Variants in CLEC2L observed in about 807,000 individuals in gnomAD.
The protein encoded by CLEC2L is C-type lectin domain family 2 member L, also known as C-type lectin domain family 2, member L.
In CLEC2L, 14 loss-of-function variants were observed where a neutral mutation model predicts 23.6. The observed-to-expected ratio is 0.59, with a 90% CI of 0.39 to 0.93. The LOEUF is 0.93. Among genes scored for constraint, CLEC2L ranks in the 40% least tolerant of loss-of-function variants. CLEC2L has a pLI of 0.00. For synonymous variants in CLEC2L, 114 were observed against 121.3 expected, an observed-to-expected ratio of 0.94 and a Z score of 0.40; for missense variants, 264 against 282.4, an observed-to-expected ratio of 0.93 and a Z score of 0.47.
intron 1 of CLEC2L, among the ~76,000 whole-genome samples, chr7:139,530,015 C>CAAAA (rs59845086): frequency 1.2e-4 from 12 of 103,572 alleles, no homozygotes; most frequent in African/African-American, 3.8e-4. Context: ...TTGCAGTGAG[C>CAAAA]AAAAAAAAAA....
rs971147103 is a variant in CLEC2L, at chr7:139,544,291, G to A, written c.594G>A (p.Thr198=). 1.9e-6 allele frequency: 3 copies of A among 1,613,520 alleles called. No homozygotes were observed. Among genetic ancestry groups the A allele is most frequent in the Non-Finnish European group, 2.5e-6 (3 of 1,179,702 alleles). ...TGGAGCCCACCAGGCTGGTGTCGAC[G>A]GAGTGTCTGATGACCCGGCCCTGGG... ...VFVEPTRLVS[T]ECLMTRPWVC... Residue 198 remains threonine, a synonymous_variant, in exon 5 of 5, where the codon ACG becomes ACA. Transcript: ENST00000422142.
Position 139,542,138 on chromosome 7 carries a change from T to C in CLEC2L, c.533+17T>C, listed in dbSNP as rs761358223. ...TCCGGACACGTGAGCTGAGGCTTCA[T>C]CTTCTGGCTACCGAGCTTAGACTGA... On this transcript the variant is annotated intron_variant, in intron 4 of 4. Transcript: ENST00000422142. 5 of 1,574,124 alleles carry C rather than the reference T, an allele frequency of 3.2e-6. No homozygotes were observed. The South Asian group carries it at 4.6e-5, about 14-fold the overall frequency.
At chr7:139,527,687 CTGGGGGTA>C (rs1797524427) in intron 1 of CLEC2L, among the ~76,000 whole-genome samples, 1 of 152,016 alleles carries the variant, frequency 6.6e-6, no homozygotes, top group South Asian at 2.1e-4. Flanking sequence ...GCAGAGTGGC[CTGGGGGTA>C]TGGGAGAGGG....
rs1358790825 is a variant in CLEC2L, at chr7:139,536,277, C to T, written c.194C>T (p.Thr65Ile). Reference protein sequence around the residue: ...STSWKAALEDTTTRLLLGAIA... With the variant: ...STSWKAALEDITTRLLLGAIA... The stretch of plus-strand genomic sequence containing the variant: ...GAACCCCTCTCTCTTCTCCTAGACA[C>T]CACCACACGCCTCCTGCTGGGTGCC... Residue 65 changes from threonine to isoleucine, a missense_variant, in exon 2 of 5, where the codon ACC becomes ATC. Thr to Ile is a moderately conservative substitution (Grantham distance 89, BLOSUM62 -1). Coordinates refer to ENST00000422142, the MANE Select transcript of CLEC2L (RefSeq NM_001080511.4). 6.4e-7 allele frequency: 1 copy of T among 1,551,380 alleles called. No homozygotes were observed.
At chr7:139,543,452 T>TCC (rs1797765413) in intron 4 of CLEC2L, among the ~76,000 whole-genome samples, 1 of 152,188 alleles carries the variant, frequency 6.6e-6, no homozygotes, top group African/African-American at 2.4e-5. Flanking sequence ...AGAGGTCCTT[T>TCC]CCCTTGCACT....
At chr7:139,541,633 G>A (rs1016412702) in intron 3 of CLEC2L, among the ~76,000 whole-genome samples, 3 of 152,330 alleles carry the variant, frequency 2.0e-5, no homozygotes, top group African/African-American at 7.2e-5. Flanking sequence ...ACCAACCTGA[G>A]CATTGAGATT....
intron 4 of CLEC2L, among the ~76,000 whole-genome samples, chr7:139,543,847 G>A (rs1797770426): frequency 1.3e-5 from 2 of 152,198 alleles, no homozygotes; most frequent in Admixed American, 6.5e-5. Context: ...ACAGGTAGAG[G>A]CCCCAGGGGG....
At chr7:139,541,361 T>C (rs181236040) in intron 3 of CLEC2L, among the ~76,000 whole-genome samples, 3 of 152,088 alleles carry the variant, frequency 2.0e-5, no homozygotes, top group Admixed American at 6.5e-5. Context: ...TATAAATGCA[T>C]TGTGAAATGT....
chr7:139,532,733 C>T (rs570757248), intron 1 of CLEC2L, among the ~76,000 whole-genome samples: 79 of 152,198 alleles, frequency 5.2e-4, no homozygotes, highest in Non-Finnish European at 9.4e-4. Flanking sequence ...TTCCTCTCTC[C>T]GCTATGTGAG....
intron 3 of CLEC2L, among the ~76,000 whole-genome samples, chr7:139,541,479 T>A (rs1445163582): frequency 6.6e-6 from 1 of 151,896 alleles, no homozygotes; most frequent in African/African-American, 2.4e-5. Context: ...ATTAATGGAG[T>A]CTATTGGCCA....
chr7:139,535,963 G>T (rs569938863), intron 1 of CLEC2L, among the ~76,000 whole-genome samples: 1 of 152,386 alleles, frequency 6.6e-6, no homozygotes, highest in Non-Finnish European at 1.5e-5. Context: ...CTCTACAGCA[G>T]TGGATCGCAA....
chr7:139,528,459 G>A (rs1357134738), intron 1 of CLEC2L, among the ~76,000 whole-genome samples: 2 of 152,218 alleles, frequency 1.3e-5, no homozygotes, highest in African/African-American at 4.8e-5. Context: ...GAAGGAAGGT[G>A]AAGGAGGAGC....
At chr7:139,538,441 A>C (rs1438071928) in intron 2 of CLEC2L, among the ~76,000 whole-genome samples, 24 of 146,118 alleles carry the variant, frequency 1.6e-4, no homozygotes, top group East Asian at 8.1e-4. Context: ...AAAAAAAAAA[A>C]AACAAAAAAC....
chr7:139,538,136 A>G (rs1378497128), intron 2 of CLEC2L, among the ~76,000 whole-genome samples: 1 of 152,198 alleles, frequency 6.6e-6, no homozygotes, highest in Admixed American at 6.5e-5. Context: ...CTGAGTGTTT[A>G]GAAATGGATA....
Position 139,540,276 on chromosome 7 carries a change from CG to C in CLEC2L, c.266-42del, listed in dbSNP as rs1569427959. ...GAGCCACAGAAAGCAGAGTGGGACTCGGGCTGGGGGGGCGGGCAGGGCCGAG... is the reference window on the plus strand; with the variant it reads ...GAGCCACAGAAAGCAGAGTGGGACTCGGCTGGGGGGGCGGGCAGGGCCGAG... On this transcript the variant is annotated intron_variant, in intron 2 of 4. Transcript: ENST00000422142. The surrounding 1 kb of genome is among the most constrained non-coding windows in gnomAD (Gnocchi z 5.8). 9.6e-7 allele frequency: 1 copy of C among 1,036,298 alleles called. No homozygotes were observed. Among genetic ancestry groups the C allele is most frequent in the African/African-American group, 2.1e-5 (1 of 47,136 alleles). 64.2% of individuals were successfully genotyped at this position (1,036,298 alleles called of 1,614,324 possible).
intron 1 of CLEC2L, among the ~76,000 whole-genome samples, chr7:139,526,947 G>A (rs145695281): frequency 6.6e-6 from 1 of 152,326 alleles, no homozygotes; most frequent in Non-Finnish European, 1.5e-5. Context: ...TGTCCTTTGG[G>A]GACCCAGGGT....
chr7:139,536,929 C>G (rs116669144), intron 2 of CLEC2L, among the ~76,000 whole-genome samples: 1,837 of 144,756 alleles, frequency 0.013, 15 homozygotes, highest in Middle Eastern at 0.029. Flanking sequence ...GAGTTGAGAT[C>G]GCACACCACC....
At chr7:139,526,797 C>T (rs1054414785) in intron 1 of CLEC2L, among the ~76,000 whole-genome samples, 2 of 152,228 alleles carry the variant, frequency 1.3e-5, no homozygotes, top group Non-Finnish European at 2.9e-5. Context: ...CTGGACTTGG[C>T]CTCCTGCAGC....
chr7:139,525,616 A>G (rs1055307409), intron 1 of CLEC2L, among the ~76,000 whole-genome samples: 2 of 152,074 alleles, frequency 1.3e-5, no homozygotes, highest in Non-Finnish European at 2.9e-5. Context: ...ACTCCTGCCA[A>G]AGCTATTTCT....
Sources: allele counts gnomAD v4.1 joint callset (sites outside exome capture counted in the v4.1 genomes callset), GRCh38; gene constraint gnomAD v4.1.1; non-coding constraint Gnocchi (gnomAD v3.1); transcripts MANE v1.5; gene names NCBI Gene and HGNC (gene_info 2026-07-23, HGNC 2026-07-21).